The following CTNNBL1 variants were observed in gnomAD, a reference collection of about 807,000 sequenced individuals.
CTNNBL1 encodes beta-catenin-like protein 1.
In CTNNBL1, 31 loss-of-function variants were observed where a neutral mutation model predicts 72.7. The observed-to-expected ratio is 0.43, with a 90% CI of 0.32 to 0.58. The LOEUF is 0.58. Among genes scored for constraint, CTNNBL1 ranks in the 20% least tolerant of loss-of-function variants. The pLI is 0.08. For missense variants in CTNNBL1, 534 were observed against 725.1 expected, an observed-to-expected ratio of 0.74 and a Z score of 3.03; for synonymous variants, 240 against 267.3, an observed-to-expected ratio of 0.90 and a Z score of 1.00.
At chr20:37,725,219 T>C (rs1360641098) in intron 1 of CTNNBL1, among the ~76,000 whole-genome samples, 3 of 152,080 alleles carry the variant, frequency 2.0e-5, no homozygotes, top group Admixed American at 6.6e-5. Flanking sequence ...TCTTGTCAAA[T>C]ATTTTGACAT....
chr20:37,866,975 T>C (rs4811245), intron 15 of CTNNBL1, among the ~76,000 whole-genome samples: 113,628 of 151,610 alleles, frequency 0.75, 42,721 homozygotes, highest in East Asian at 0.85. Context: ...CTTTTCCAAC[T>C]GTGTAAAACA....
intron 11 of CTNNBL1, among the ~76,000 whole-genome samples, chr20:37,818,144 G>A (rs1178684972): frequency 1.3e-5 from 2 of 152,186 alleles, no homozygotes; most frequent in Non-Finnish European, 2.9e-5. Flanking sequence ...CTTCTTCCAT[G>A]AGTTCATCAT....
chr20:37,712,242 G>A (rs1381310871), intron 1 of CTNNBL1, among the ~76,000 whole-genome samples: 4 of 152,198 alleles, frequency 2.6e-5, no homozygotes, highest in Non-Finnish European at 5.9e-5. Context: ...TGTGGGCATC[G>A]TGCCTTTTGT....
intron 13 of CTNNBL1, among the ~76,000 whole-genome samples, chr20:37,857,465 C>G (rs1188233337): frequency 6.6e-6 from 1 of 152,214 alleles, no homozygotes; most frequent in Non-Finnish European, 1.5e-5. Flanking sequence ...AACCCTAGAC[C>G]TCTCAGACTT....
At chr20:37,809,026 C>T (rs1043977787) in intron 11 of CTNNBL1, among the ~76,000 whole-genome samples, 6 of 152,010 alleles carry the variant, frequency 3.9e-5, no homozygotes, top group African/African-American at 1.4e-4. Context: ...ACTGTCTCTG[C>T]CCTCATCATC....
At chr20:37,853,631 C>A (rs897560758) in intron 13 of CTNNBL1, among the ~76,000 whole-genome samples, 10 of 152,168 alleles carry the variant, frequency 6.6e-5, no homozygotes, top group Admixed American at 5.9e-4. Flanking sequence ...TGTATTAATC[C>A]ATTTAGAAGT....
chr20:37,770,800 C>A (rs1306429902), intron 7 of CTNNBL1, among the ~76,000 whole-genome samples: 1 of 152,174 alleles, frequency 6.6e-6, no homozygotes, highest in Non-Finnish European at 1.5e-5. Context: ...GGGTTTTTTA[C>A]TGGTAAGCAA....
At position 37,749,485 on chromosome 20, in the gene CTNNBL1, C is replaced by A. The variant is rs534624785; in HGVS notation, c.466+2878C>A. 5.9e-5 allele frequency among the ~76,000 whole-genome samples: 9 copies of A among 152,192 alleles called. No individual in the cohort carries two copies. In the South Asian group the frequency reaches 1.9e-3, roughly 32 times the overall value. On this transcript the variant is annotated intron_variant, in intron 4 of 15. Coordinates refer to ENST00000361383, the MANE Select transcript of CTNNBL1 (RefSeq NM_030877.5). ...CTTTAAAAAGGGAAAAAACACATCC[C>A]CCTATAATAACTTTGACAGATTGCC... is the stretch of plus-strand genomic sequence containing the variant.
At chr20:37,835,501 G>A (rs1306235232) in intron 11 of CTNNBL1, among the ~76,000 whole-genome samples, 1 of 152,222 alleles carries the variant, frequency 6.6e-6, no homozygotes, top group Non-Finnish European at 1.5e-5. Flanking sequence ...CAATCTGAGT[G>A]AGGATATGAG....
At chr20:37,824,496 A>G (rs2072140546) in intron 11 of CTNNBL1, among the ~76,000 whole-genome samples, 1 of 152,242 alleles carries the variant, frequency 6.6e-6, no homozygotes, top group Admixed American at 6.5e-5. Flanking sequence ...TTTTGGCCCT[A>G]CTTAGGACTT....
Position 37,773,909 on chromosome 20 carries a change from C to CTTTT in CTNNBL1, c.751-3416_751-3413dup, listed in dbSNP as rs1176688817. ...TTTTCTTCTTTTTCTTTCTTTCTCTCTTTTTTTTTTTTTTTTTTTTTTTGA... is the reference window on the plus strand; with the variant it reads ...TTTTCTTCTTTTTCTTTCTTTCTCTCTTTTTTTTTTTTTTTTTTTTTTTTTTTGA... On this transcript the variant is annotated intron_variant, in intron 7 of 15. Transcript: ENST00000361383. Among the ~76,000 whole-genome samples, 392 of 104,600 alleles carry CTTTT rather than the reference C, an allele frequency of 3.7e-3. 2 individuals are homozygous for CTTTT. The highest frequency in any genetic ancestry group is 6.1e-3 in the African/African-American group (144 of 23,460). 68.6% of individuals were successfully genotyped at this position (104,600 alleles called of 152,430 possible). A position where few individuals can be genotyped will look rare whatever the true frequency, so the allele number is the denominator to read the frequency against.
At chr20:37,767,503 A>G (rs749300963) in intron 6 of CTNNBL1, among the ~76,000 whole-genome samples, 3 of 151,450 alleles carry the variant, frequency 2.0e-5, no homozygotes, top group Non-Finnish European at 2.9e-5. Flanking sequence ...CACCTGATGC[A>G]GGGAAATAGA....
chr20:37,720,172 C>T (rs986867540), intron 1 of CTNNBL1, among the ~76,000 whole-genome samples: 13 of 152,054 alleles, frequency 8.5e-5, no homozygotes, highest in Admixed American at 2.0e-4. Flanking sequence ...GGACCACAGG[C>T]GCCTGCCACC....
At chr20:37,792,082 A>G (rs951471812) in intron 10 of CTNNBL1, among the ~76,000 whole-genome samples, 18 of 152,280 alleles carry the variant, frequency 1.2e-4, no homozygotes, top group African/African-American at 4.3e-4. Context: ...TGTCAAACTT[A>G]CTGGCAAAAA....
chr20:37,854,944 A>G (rs537451470), intron 13 of CTNNBL1, among the ~76,000 whole-genome samples: 4 of 152,210 alleles, frequency 2.6e-5, no homozygotes, highest in African/African-American at 9.6e-5. Flanking sequence ...GGCCCTTGGC[A>G]CTATCCTGAC....
chr20:37,756,225 T>C (rs2073361747), intron 4 of CTNNBL1: 2 of 152,212 alleles, frequency 1.3e-5, no homozygotes, highest in Admixed American at 6.5e-5. Context: ...TGTTACATGT[T>C]GGTTATGTCC....
rs1340770833 is a variant in CTNNBL1 at position 37,802,881 on chromosome 20, C to T, written c.1046C>T (p.Ser349Phe). 2 of 1,612,892 alleles carry T rather than the reference C, an allele frequency of 1.2e-6. No homozygotes were observed. Among genetic ancestry groups the T allele is most frequent in the Non-Finnish European group, 1.7e-6 (2 of 1,179,334 alleles). Reference sequence around the variant, plus strand: ...TTTGTTCACAGGGAAAAGAAGATCTCCCGGAGCAGTGCCCTGAAAGTGCTG... The same window carrying T: ...TTTGTTCACAGGGAAAAGAAGATCTTCCGGAGCAGTGCCCTGAAAGTGCTG... ...MNLMLREKKI[S>F]RSSALKVLDH... Residue 349 changes from serine (S) to phenylalanine (F), a missense_variant, in exon 11 of 16, where the codon TCC (serine) becomes TTC (phenylalanine). Physicochemically the swap from Ser to Phe is radical, Grantham distance 155. Coordinates refer to ENST00000361383, the MANE Select transcript of CTNNBL1 (RefSeq NM_030877.5).
In CTNNBL1 at chr20:37,765,286, T is replaced by C. The variant is rs150168338; in HGVS notation, c.654T>C (p.Thr218=). The C allele has an allele frequency of 9.1e-5, 141 of 1,547,784 alleles. No homozygotes were observed. The African/African-American group carries it at 1.8e-3, about 20-fold the overall frequency. ...AGGAGGCAGATGGCGTCCACAACAC[T>C]CTGGGTGAGAGGAAGGGTGCTTGCC... ...VKEEADGVHN[T]LAIVENMAEF... Residue 218 remains threonine, a synonymous_variant, in exon 6 of 16, where the codon ACT becomes ACC. Transcript: ENST00000361383.
intron 1 of CTNNBL1, among the ~76,000 whole-genome samples, chr20:37,704,167 T>C (rs1471782119): frequency 6.6e-6 from 1 of 152,182 alleles, no homozygotes; most frequent in East Asian, 1.9e-4. Flanking sequence ...ATGAAAATGA[T>C]TAACTCACAG....
Sources: allele counts gnomAD v4.1 joint callset (sites outside exome capture counted in the v4.1 genomes callset), GRCh38; gene constraint gnomAD v4.1.1; transcripts MANE v1.5; gene names NCBI Gene and HGNC (gene_info 2026-07-23, HGNC 2026-07-21).